TAFA2: variants seen among roughly 807,000 people sequenced by gnomAD.
TAFA2 encodes chemokine-like protein TAFA-2.
Under a neutral mutation model 18.8 loss-of-function variants are expected in TAFA2, and 7 were observed. The ratio of observed to expected loss-of-function variants is 0.37; its 90% CI spans 0.21 to 0.70. The LOEUF (loss-of-function observed/expected upper bound fraction) is 0.70, where lower values mean the gene tolerates loss of function less well. Among genes scored for constraint, TAFA2 ranks in the 30% least tolerant of loss-of-function variants. The pLI, the probability that TAFA2 is intolerant of heterozygous loss-of-function variation, is 0.53. For missense variants in TAFA2, 122 were observed against 158.1 expected (o/e 0.77, Z 1.23); for synonymous variants, 60 against 54.2 (o/e 1.11, Z -0.47).
At chr12:62,179,165 T>C (rs2062535210) in intron 1 of TAFA2, among the ~76,000 whole-genome samples, 1 of 152,204 alleles carries the variant, frequency 6.6e-6, no homozygotes, top group African/African-American at 2.4e-5. Flanking sequence ...TTATTTAGAA[T>C]TTTTAAATTA....
chr12:61,902,179 T>C (rs1448610715), intron 1 of TAFA2, among the ~76,000 whole-genome samples: 1 of 151,218 alleles, frequency 6.6e-6, no homozygotes, highest in Non-Finnish European at 1.5e-5. Flanking sequence ...ACCGAGGCTG[T>C]CTACAAAATG....
intron 2 of TAFA2, among the ~76,000 whole-genome samples, chr12:61,760,258 T>C (rs375655949): frequency 2.0e-5 from 3 of 150,704 alleles, no homozygotes; most frequent in Non-Finnish European, 3.0e-5. Context: ...AGATGATAGA[T>C]ACAGATAGCT....
chr12:61,855,626 C>T (rs939946093), intron 2 of TAFA2, among the ~76,000 whole-genome samples: 2 of 151,864 alleles, frequency 1.3e-5, no homozygotes, highest in Non-Finnish European at 2.9e-5. Context: ...TGACTATAGG[C>T]AAAAGAGTTT....
At chr12:62,207,659 G>C (rs991428758) in intron 1 of TAFA2, among the ~76,000 whole-genome samples, 12 of 152,212 alleles carry the variant, frequency 7.9e-5, no homozygotes, top group African/African-American at 2.6e-4. Context: ...TCCAACATCT[G>C]AACCACAGTG....
intron 2 of TAFA2, among the ~76,000 whole-genome samples, chr12:61,807,534 G>A (rs1030425989): frequency 2.0e-5 from 3 of 151,308 alleles, no homozygotes; most frequent in Non-Finnish European, 2.9e-5. Flanking sequence ...TAATGGAGCT[G>A]TGAGATGAGG....
chr12:61,827,557 T>G (rs1358630612), intron 2 of TAFA2, among the ~76,000 whole-genome samples: 1 of 151,996 alleles, frequency 6.6e-6, no homozygotes, highest in East Asian at 1.9e-4. Flanking sequence ...CGTTCCCTGA[T>G]GTGTATTTAA....
intron 1 of TAFA2, among the ~76,000 whole-genome samples, chr12:62,096,030 A>G (rs2136841264): frequency 6.6e-6 from 1 of 152,248 alleles, no homozygotes; most frequent in East Asian, 1.9e-4. Context: ...AAATTGGCAT[A>G]TCTTTACTGG....
intron 2 of TAFA2, among the ~76,000 whole-genome samples, chr12:61,785,705 T>G (rs1248010297): frequency 2.6e-5 from 4 of 151,512 alleles, no homozygotes; most frequent in African/African-American, 9.7e-5. Flanking sequence ...GACTCCTACA[T>G]GTTGAATCTG....
chr12:62,227,369 G>A (rs887762276), intron 1 of TAFA2, among the ~76,000 whole-genome samples: 2 of 152,206 alleles, frequency 1.3e-5, no homozygotes, highest in Non-Finnish European at 2.9e-5. Flanking sequence ...ACACTAAAGT[G>A]TCTGGCTGAT....
chr12:61,938,469 A>C (rs1271285941), intron 1 of TAFA2, among the ~76,000 whole-genome samples: 3 of 152,138 alleles, frequency 2.0e-5, no homozygotes, highest in Non-Finnish European at 4.4e-5. Flanking sequence ...AGCCTACTTG[A>C]GGGTGGAGAA....
chr12:61,957,114 A>G (rs996300876), intron 1 of TAFA2, among the ~76,000 whole-genome samples: 1 of 152,152 alleles, frequency 6.6e-6, no homozygotes, highest in Non-Finnish European at 1.5e-5. Context: ...CTGAGCTCAC[A>G]AGGATTTATG....
intron 1 of TAFA2, among the ~76,000 whole-genome samples, chr12:62,024,882 A>C (rs1380147046): frequency 6.6e-6 from 1 of 152,162 alleles, no homozygotes; most frequent in Non-Finnish European, 1.5e-5. Context: ...TAATCATCAG[A>C]GAAATGTAAA....
At chr12:62,147,028 C>G (rs1365454908) in intron 1 of TAFA2, among the ~76,000 whole-genome samples, 1 of 151,584 alleles carries the variant, frequency 6.6e-6, no homozygotes. Context: ...CTACAACCAA[C>G]TGATCTTTGA....
intron 2 of TAFA2, among the ~76,000 whole-genome samples, chr12:61,791,787 T>C (rs1474200911): frequency 2.6e-5 from 4 of 151,622 alleles, no homozygotes; most frequent in Non-Finnish European, 5.9e-5. Context: ...ATTAGTATAG[T>C]CATTGTGGAA....
chr12:62,069,755 A>T (rs1252030266), intron 1 of TAFA2, among the ~76,000 whole-genome samples: 2 of 152,170 alleles, frequency 1.3e-5, no homozygotes, highest in East Asian at 1.9e-4. Context: ...CCTTCACATG[A>T]CAAGAACAAC....
At chr12:61,995,395 G>T (rs1481946828) in intron 1 of TAFA2, among the ~76,000 whole-genome samples, 1 of 152,058 alleles carries the variant, frequency 6.6e-6, no homozygotes, top group Non-Finnish European at 1.5e-5. Flanking sequence ...CTCACAATTC[G>T]TTTCAAATGT....
intron 1 of TAFA2, among the ~76,000 whole-genome samples, chr12:62,108,345 C>T (rs1869559249): frequency 6.6e-6 from 1 of 152,164 alleles, no homozygotes; most frequent in African/African-American, 2.4e-5. Flanking sequence ...CATAGAATTC[C>T]ATGGTGTATA....
intron 2 of TAFA2, among the ~76,000 whole-genome samples, chr12:61,838,230 A>C (rs993177016): frequency 4.6e-5 from 7 of 151,982 alleles, no homozygotes; most frequent in Non-Finnish European, 7.4e-5. Context: ...AAAGGCATAG[A>C]CAGAAGGGGA....
intron 1 of TAFA2, among the ~76,000 whole-genome samples, chr12:61,925,664 G>T (rs1279159409): frequency 6.6e-6 from 1 of 151,906 alleles, no homozygotes; most frequent in African/African-American, 2.4e-5. Flanking sequence ...GGGAAGATCT[G>T]AAATTGACAC....
Sources: allele counts gnomAD v4.1 joint callset (sites outside exome capture counted in the v4.1 genomes callset), GRCh38; gene constraint gnomAD v4.1.1; transcripts MANE v1.5; gene names NCBI Gene and HGNC (gene_info 2026-07-23, HGNC 2026-07-21).